ZFAT: variants seen among roughly 807,000 people sequenced by gnomAD.
The protein encoded by ZFAT is zinc finger and AT-hook domain containing.
ZFAT carries 64 observed loss-of-function variants against 117.7 expected under a neutral mutation model. That is an observed-to-expected ratio of 0.54 (90% confidence interval 0.44 to 0.67). The LOEUF is 0.67. ZFAT is among the 30% of genes least tolerant of loss of function. The pLI, the probability that ZFAT is intolerant of heterozygous loss-of-function variation, is 0.00. For synonymous variants in ZFAT, 679 were observed against 615.0 expected (o/e 1.10, Z -1.54); for missense variants, 1,433 against 1,584.5 (o/e 0.90, Z 1.62).
At chr8:134,515,138 T>G (rs1460150415) in intron 13 of ZFAT, among the ~76,000 whole-genome samples, 2 of 152,244 alleles carry the variant, frequency 1.3e-5, no homozygotes, top group African/African-American at 2.4e-5. Flanking sequence ...GGACATGAAC[T>G]CATCTTTTTT....
At chr8:134,819,496 A>ACACCCCC in the ZFAT span, among the ~76,000 whole-genome samples, 1 of 39,334 alleles carries the variant, frequency 2.5e-5, no homozygotes, top group Non-Finnish European at 4.7e-5. Flanking sequence ...CGGATTTACC[A>ACACCCCC]CCCCCCCCCC....
At chr8:134,684,693 G>A (rs764527327) in intron 1 of ZFAT, among the ~76,000 whole-genome samples, 1 of 152,182 alleles carries the variant, frequency 6.6e-6, no homozygotes, top group Non-Finnish European at 1.5e-5. Flanking sequence ...AAGAAGACAG[G>A]AAACTAGTTT....
intron 6 of ZFAT, among the ~76,000 whole-genome samples, chr8:134,601,269 C>T (rs1461103001): frequency 6.6e-6 from 1 of 152,216 alleles, no homozygotes; most frequent in East Asian, 1.9e-4. Flanking sequence ...ACCAGGCCAA[C>T]ACAGTCAACT....
At position 134,599,435 on chromosome 8, in the gene ZFAT, T is replaced by C. The variant is rs1234897543; in HGVS notation, c.2475+1001A>G. The C allele has an allele frequency of 1.3e-5, 3 of 235,430 alleles. No individual in the cohort carries two copies. In the East Asian group the frequency reaches 3.9e-4, roughly 31 times the overall value. 14.6% of individuals were successfully genotyped at this position (235,430 alleles called of 1,614,324 possible). On this transcript the variant is annotated intron_variant, in intron 7 of 15. Coordinates refer to ENST00000377838, the MANE Select transcript of ZFAT (RefSeq NM_020863.4). ...TGTGGATGTATATAAAATAGATTTT[T>C]TAAAAATATGTATCTTATACAGAAG...
At chr8:134,592,655 A>C (rs1365280434) in intron 7 of ZFAT, among the ~76,000 whole-genome samples, 2 of 152,214 alleles carry the variant, frequency 1.3e-5, no homozygotes, top group Non-Finnish European at 2.9e-5. Flanking sequence ...TAAATCTGAA[A>C]GACTTTGCTG....
At chr8:134,779,881 G>A in the ZFAT span, among the ~76,000 whole-genome samples, 29 of 152,250 alleles carry the variant, frequency 1.9e-4, no homozygotes, top group African/African-American at 7.0e-4. Context: ...TAGGATAAAT[G>A]TGGTGACTGA....
chr8:134,509,704 A>G lies in ZFAT; in HGVS notation c.3407T>C (p.Ile1136Thr), dbSNP rs779660026. 3.7e-6 allele frequency: 6 copies of G among 1,611,696 alleles called. No homozygotes were observed. In the East Asian group the frequency reaches 6.7e-5, roughly 18 times the overall value. Residue 1136 changes from isoleucine (I) to threonine (T), a missense_variant, in exon 15 of 16, where the codon ATT (isoleucine) becomes ACT (threonine). Physicochemically the swap from Ile to Thr is moderately conservative, Grantham distance 89. Around this residue, in one of 5 missense-constraint regions of ZFAT, gnomAD observed 503 missense variants for 543.4 expected, o/e 0.93. Coordinates refer to ENST00000377838, the MANE Select transcript of ZFAT (RefSeq NM_020863.4). Reference protein sequence around the residue: ...PTAVNILQQIIELGAETHDAT... With the variant: ...PTAVNILQQITELGAETHDAT... ...GTCATGGGTCTCGGCGCCCAGCTCA[A>G]TGATCTGCTGCAGGATGTTCACGGC... is the stretch of plus-strand genomic sequence containing the variant.
chr8:134,608,900 A>C, intron 4 of ZFAT, 21 bp from the exon 5 acceptor site: 1 of 1,593,516 alleles, frequency 6.3e-7, no homozygotes, highest in Non-Finnish European at 8.5e-7. Context: ...TGCAAAAGGC[A>C]TTGCTTATTG....
chr8:134,614,360 C>T (rs763720107), intron 3 of ZFAT, among the ~76,000 whole-genome samples: 1 of 152,020 alleles, frequency 6.6e-6, no homozygotes, highest in Non-Finnish European at 1.5e-5. Flanking sequence ...CACAGACATG[C>T]ATTGCACAAC....
At chr8:134,553,243 T>C (rs1014298155) in intron 11 of ZFAT, among the ~76,000 whole-genome samples, 4 of 152,294 alleles carry the variant, frequency 2.6e-5, no homozygotes, top group Admixed American at 2.0e-4. Flanking sequence ...CAGTGACTCA[T>C]GCCTGTAATC....
chr8:134,526,963 A>T (rs1195102507), intron 12 of ZFAT, among the ~76,000 whole-genome samples: 1 of 152,160 alleles, frequency 6.6e-6, no homozygotes, highest in African/African-American at 2.4e-5. Context: ...TCCCCAGAAC[A>T]TGTGAACATG....
rs1171053889 is a variant in ZFAT at position 134,657,650 on chromosome 8, A to C, written c.107T>G (p.Met36Arg). The C allele has an allele frequency of 2.5e-6, 4 of 1,613,970 alleles. 1 individual carries two copies. The South Asian group carries it at 3.3e-5, about 13-fold the overall frequency. ...ELLSHVSEKHMEEGVNVDEII... is the reference protein window; with the variant it reads ...ELLSHVSEKHREEGVNVDEII... ...CTCATCAACATTAACCCCTTCTTCC[A>C]TGTGCTTCTCTGAAACGTGGGAGAG... The change falls in exon 2 of 16, where the codon ATG becomes AGG. Residue 36 changes from methionine to arginine, a missense_variant. Physicochemically the swap from Met to Arg is moderately conservative, Grantham distance 91 (BLOSUM62 -1). This residue lies in a region of ZFAT where 436 missense variants were observed against 482.0 expected (regional missense o/e 0.90). Transcript: ENST00000377838.
chr8:134,512,982 T>G (rs1240226972), intron 13 of ZFAT, among the ~76,000 whole-genome samples: 2 of 152,104 alleles, frequency 1.3e-5, no homozygotes, highest in Non-Finnish European at 2.9e-5. Flanking sequence ...TGCCTTACCC[T>G]GGGGACTGGG....
chr8:134,745,554 A>G, the ZFAT span, among the ~76,000 whole-genome samples: 1 of 152,308 alleles, frequency 6.6e-6, no homozygotes, highest in African/African-American at 2.4e-5. Flanking sequence ...TGAGATCACA[A>G]TGTTCTTTGA....
At chr8:134,526,906 A>G (rs1821062918) in intron 12 of ZFAT, among the ~76,000 whole-genome samples, 1 of 152,012 alleles carries the variant, frequency 6.6e-6, no homozygotes, top group African/African-American at 2.4e-5. Context: ...AAAGGCACTG[A>G]GTACAGTAGG....
chr8:134,478,261 G>GGT lies in ZFAT; in HGVS notation c.*219_*220dup, dbSNP rs778967155. The GGT allele has an allele frequency of 1.6e-4, 96 of 609,986 alleles. No individual in the cohort carries two copies. Among genetic ancestry groups the GGT allele is most frequent in the Non-Finnish European group, 2.4e-4 (85 of 349,358 alleles). 37.8% of individuals were successfully genotyped at this position (609,986 alleles called of 1,614,324 possible). A position where few individuals can be genotyped will look rare whatever the true frequency, so the allele number is the denominator to read the frequency against. On this transcript the variant is annotated 3_prime_UTR_variant, in exon 16 of 16. Coordinates refer to ENST00000377838, the MANE Select transcript of ZFAT (RefSeq NM_020863.4). This position sits in a 1 kb window ranked among gnomAD's most constrained non-coding sequence, Gnocchi z 5.2. ...AGGAAGCAGATGGTAAGGGTCAGGG[G>GGT]GTGTGTGTCTATGCTGGGGTGAGGG... is the stretch of plus-strand genomic sequence containing the variant.
the ZFAT span, among the ~76,000 whole-genome samples, chr8:134,742,259 C>T: frequency 2.6e-5 from 4 of 151,888 alleles, no homozygotes; most frequent in Non-Finnish European, 5.9e-5. Flanking sequence ...TGGCTTGCTG[C>T]ACCTATCAAC....
chr8:134,808,493 C>T, the ZFAT span, among the ~76,000 whole-genome samples: 1 of 152,200 alleles, frequency 6.6e-6, no homozygotes, highest in Admixed American at 6.5e-5. Context: ...TATCTAGGAA[C>T]AACCAAGTAC....
rs943834670 is a variant in ZFAT at position 134,694,037 on chromosome 8, G to C, written c.19+18808C>G. ...TTACACACAGCCAAAGGGAGGTAGA[G>C]TCTACAAAATAACTGGCCCATACTC... is the stretch of plus-strand genomic sequence containing the variant. On this transcript the variant is annotated intron_variant, in intron 1 of 15. Transcript: ENST00000377838. Among the ~76,000 whole-genome samples, 10 of 152,318 alleles carry C rather than the reference G, an allele frequency of 6.6e-5. No individual in the cohort carries two copies. In the East Asian group the frequency reaches 1.2e-3, roughly 18 times the overall value.
Sources: allele counts gnomAD v4.1 joint callset (sites outside exome capture counted in the v4.1 genomes callset), GRCh38; gene constraint gnomAD v4.1.1; regional missense constraint gnomAD v4.1.1; non-coding constraint Gnocchi (gnomAD v3.1); transcripts MANE v1.5; gene names NCBI Gene and HGNC (gene_info 2026-07-23, HGNC 2026-07-21).